The following CABP5 variants were observed in gnomAD, a reference collection of about 807,000 sequenced individuals.
CABP5 encodes the protein calcium-binding protein 5.
A neutral mutation model predicts 21.9 loss-of-function variants in CABP5; 17 were observed. That is an observed-to-expected ratio of 0.78 (90% CI 0.53 to 1.17). The LOEUF is 1.17. Ranked by LOEUF, CABP5 falls within the 50% of genes most tolerant of loss-of-function variation. The pLI is 0.00. For missense variants in CABP5, 229 were observed against 228.9 expected (o/e 1.00, Z 0.00); for synonymous variants, 85 against 79.4 (o/e 1.07, Z -0.37).
rs1199095554 is a variant in CABP5 at position 48,029,584 on chromosome 19, G to C, written c.*973C>G. On this transcript the variant is annotated 3_prime_UTR_variant, in exon 6 of 6. Transcript: ENST00000293255. The stretch of plus-strand genomic sequence containing the variant: ...GGACAGACCAGCGCGGAGGTAGGAG[G>C]CTTCTAGGAAAGACTTTGCAACAAC... Among the ~76,000 whole-genome samples the C allele has an allele frequency of 1.3e-5, 2 of 152,194 alleles. No homozygotes were observed. Among genetic ancestry groups the C allele is most frequent in the Admixed American group, 6.5e-5 (1 of 15,270 alleles).
chr19:48,034,798 A>G (rs1967388325), intron 4 of CABP5, among the ~76,000 whole-genome samples: 1 of 152,000 alleles, frequency 6.6e-6, no homozygotes, highest in Non-Finnish European at 1.5e-5. Context: ...CACCTGCCTC[A>G]GCCTCCTAAA....
Position 48,030,271 on chromosome 19 carries a change from T to C in CABP5, c.*286A>G, listed in dbSNP as rs1423125920. 7.3e-6 allele frequency: 3 copies of C among 413,082 alleles called. No individual in the cohort carries two copies. The highest frequency in any genetic ancestry group is 1.3e-5 in the Non-Finnish European group (3 of 234,058). The allele number at this position is 413,082 out of a possible 1,614,324, so 25.6% of individuals were successfully genotyped here. The stretch of plus-strand genomic sequence containing the variant: ...CTTAGGACTACGTGAAGTGAAAAGA[T>C]GTCAAGAATCATTGGAATTTTTGGG... On this transcript the variant is annotated 3_prime_UTR_variant, in exon 6 of 6. Transcript: ENST00000293255.
chr19:48,033,738 T>A (rs1010462208), intron 5 of CABP5, among the ~76,000 whole-genome samples: 1 of 152,316 alleles, frequency 6.6e-6, no homozygotes, highest in South Asian at 2.1e-4. Flanking sequence ...GGTGTCATCA[T>A]CCACCTCATT....
chr19:48,039,173 C>G lies in CABP5; in HGVS notation c.348+35G>C, dbSNP rs753616832. 4.0e-5 allele frequency: 61 copies of G among 1,533,700 alleles called. 1 individual carries two copies. In the South Asian group the frequency reaches 6.8e-4, roughly 17 times the overall value. The stretch of plus-strand genomic sequence containing the variant: ...CAGGCAGACCTCAGAGGGTCTGCCT[C>G]TACCATCACCAGCACCATGACACTG... On this transcript the variant is annotated intron_variant, in intron 4 of 5. Transcript: ENST00000293255.
intron 5 of CABP5, among the ~76,000 whole-genome samples, chr19:48,031,180 T>A (rs1175614741): frequency 6.6e-6 from 1 of 152,182 alleles, no homozygotes; most frequent in Non-Finnish European, 1.5e-5. Flanking sequence ...GTATTGCTAT[T>A]TCCTTATATG....
intron 2 of CABP5, 93 bp downstream of exon 2, chr19:48,041,480 G>A: frequency 8.3e-7 from 1 of 1,199,266 alleles, no homozygotes; most frequent in African/African-American, 1.5e-5. Flanking sequence ...AAAATTCCAT[G>A]TAATGGAATT....
intron 4 of CABP5, among the ~76,000 whole-genome samples, chr19:48,038,345 T>C (rs1195766506): frequency 6.6e-6 from 1 of 152,260 alleles, no homozygotes; most frequent in Non-Finnish European, 1.5e-5. Context: ...CTCTTTATTT[T>C]CACCTTGTGT....
At position 48,044,004 on chromosome 19, in the gene CABP5, A is replaced by G. The variant is rs1488091520; in HGVS notation, c.-82T>C. ...CTCCCTGTCGGAGCTCAGCCTCCTT[A>G]TCTTCTCCAGCACTCCTTTGCCACC... On this transcript the variant is annotated 5_prime_UTR_variant, in exon 1 of 6. Transcript: ENST00000293255. 6.4e-6 allele frequency: 8 copies of G among 1,247,384 alleles called. No homozygotes were observed. The highest frequency in any genetic ancestry group is 8.8e-6 in the Non-Finnish European group (8 of 908,750). 77.3% of individuals were successfully genotyped at this position (1,247,384 alleles called of 1,614,324 possible). A position where few individuals can be genotyped will look rare whatever the true frequency, so the allele number is the denominator to read the frequency against.
intron 4 of CABP5, among the ~76,000 whole-genome samples, chr19:48,035,010 T>C (rs1967390727): frequency 6.6e-6 from 1 of 152,178 alleles, no homozygotes; most frequent in East Asian, 1.9e-4. Flanking sequence ...AGGTGATTTT[T>C]GAAACATACA....
chr19:48,039,288 C>T lies in CABP5; in HGVS notation c.268G>A (p.Val90Met). ...LGGRVDFDDF[V>M]ELMTPKLLAE... ...AGCAATTTGGGGGTCATCAGCTCCA[C>T]AAAGTCATCAAAGTCTACACGGCCA... Residue 90 changes from valine to methionine, a missense_variant, in exon 4 of 6, where the codon GTG (valine) becomes ATG (methionine). Val to Met is a conservative substitution (Grantham distance 21, BLOSUM62 1). Transcript: ENST00000293255. The T allele has an allele frequency of 1.2e-6, 2 of 1,614,112 alleles. No homozygotes were observed. The highest frequency in any genetic ancestry group is 1.1e-5 in the South Asian group (1 of 91,074).
At chr19:48,044,073 GAGCTGTGAC>G in exon 1 of CABP5, 1 of 597,958 alleles carries the variant, frequency 1.7e-6, no homozygotes, top group South Asian at 2.9e-5. Flanking sequence ...CGGTGTCTTA[GAGCTGTGAC>G]AGCTGGGCTG....
intron 4 of CABP5, among the ~76,000 whole-genome samples, chr19:48,036,355 G>T (rs1764860264): frequency 6.6e-6 from 1 of 152,158 alleles, no homozygotes; most frequent in African/African-American, 2.4e-5. Context: ...TTGTGTTGTT[G>T]TGTGGGGCAG....
At chr19:48,039,878 T>G (rs1046278982) in intron 3 of CABP5, among the ~76,000 whole-genome samples, 2 of 151,818 alleles carry the variant, frequency 1.3e-5, no homozygotes, top group African/African-American at 4.8e-5. Context: ...CACGCCTGGC[T>G]AATTTTTTGT....
At chr19:48,034,085 C>T (rs1276334046) in intron 5 of CABP5, 130 bp downstream of exon 5, 45 of 879,810 alleles carry the variant, frequency 5.1e-5, no homozygotes, top group Non-Finnish European at 6.0e-5. Flanking sequence ...CCAAAACCTG[C>T]CACCCGCTTC....
chr19:48,032,857 C>T (rs1033881814), intron 5 of CABP5, among the ~76,000 whole-genome samples: 2 of 152,040 alleles, frequency 1.3e-5, no homozygotes, highest in Non-Finnish European at 2.9e-5. Context: ...TCTCGAACTC[C>T]TGACCTCAGG....
intron 5 of CABP5, among the ~76,000 whole-genome samples, chr19:48,033,477 A>G (rs779157165): frequency 2.6e-5 from 4 of 152,180 alleles, no homozygotes; most frequent in Admixed American, 6.5e-5. Context: ...GAAATAGGCA[A>G]TAAACTCTAG....
chr19:48,036,957 A>T (rs1337830258), intron 4 of CABP5, among the ~76,000 whole-genome samples: 2 of 152,194 alleles, frequency 1.3e-5, no homozygotes, highest in Non-Finnish European at 2.9e-5. Context: ...GTTGGTGAGG[A>T]TGTGGATAAA....
chr19:48,036,463 A>G (rs952707257), intron 4 of CABP5, among the ~76,000 whole-genome samples: 3 of 152,206 alleles, frequency 2.0e-5, no homozygotes, highest in Non-Finnish European at 2.9e-5. Flanking sequence ...AGTACTTAAA[A>G]TAACCACACT....
chr19:48,038,788 T>C (rs1031552286), intron 4 of CABP5, among the ~76,000 whole-genome samples: 4 of 151,954 alleles, frequency 2.6e-5, no homozygotes, highest in African/African-American at 4.8e-5. Context: ...GATTGCACCA[T>C]TGCACTCCAG....
Sources: allele counts gnomAD v4.1 joint callset (sites outside exome capture counted in the v4.1 genomes callset), GRCh38; gene constraint gnomAD v4.1.1; transcripts MANE v1.5; gene names NCBI Gene and HGNC (gene_info 2026-07-23, HGNC 2026-07-21).